The following ARIH1 variants were observed in gnomAD, a reference collection of about 807,000 sequenced individuals.
The protein encoded by ARIH1 is E3 ubiquitin-protein ligase ARIH1.
Under a neutral mutation model 85.0 loss-of-function variants are expected in ARIH1, and 8 were observed. The ratio of observed to expected loss-of-function variants is 0.09; its 90% confidence interval spans 0.06 to 0.17. ARIH1 has a LOEUF of 0.17. Among genes scored for constraint, ARIH1 ranks in the 10% least tolerant of loss-of-function variants. The probability of loss-of-function intolerance (pLI) is 1.00; values close to 1 mark genes in which losing one functional copy is unlikely to be tolerated. For missense variants in ARIH1, 311 were observed against 718.1 expected (o/e 0.43, Z 6.48); for synonymous variants, 238 against 253.6 (o/e 0.94, Z 0.59).
In ARIH1 at chr15:72,507,009, TATGTATGTATG is replaced by T. The variant is rs1272330720; in HGVS notation, c.376-11057_376-11047del. Among the ~76,000 whole-genome samples the T allele has an allele frequency of 1.6e-3, 249 of 151,426 alleles. 1 individual carries two copies. Among genetic ancestry groups the T allele is most frequent in the Admixed American group, 2.1e-3 (32 of 15,140 alleles). ...GTATGTATGTATGTATGTATGTATG[TATGTATGTATG>T]TATTTATTTATTTATTTTTTGAAAC... On this transcript the variant is annotated intron_variant, in intron 1 of 13. Coordinates refer to ENST00000379887, the MANE Select transcript of ARIH1 (RefSeq NM_005744.5).
chr15:72,554,667 A>T (rs2064167393), intron 3 of ARIH1, among the ~76,000 whole-genome samples: 3 of 152,174 alleles, frequency 2.0e-5, no homozygotes, highest in African/African-American at 7.2e-5. Context: ...GATTACAGAT[A>T]TGAGCCAGTG....
Position 72,583,395 on chromosome 15 carries a change from A to T in ARIH1, c.*103A>T. 1.2e-6 allele frequency: 1 copy of T among 833,226 alleles called. No homozygotes were observed. Among genetic ancestry groups the T allele is most frequent in the Non-Finnish European group, 2.0e-6 (1 of 510,508 alleles). 51.6% of individuals were successfully genotyped at this position (833,226 alleles called of 1,614,324 possible). ...ACAAGGAGGCACTAAGCCTATTCTGACACCACTGGTCTGTAGTACCAGAAT... is the reference window on the plus strand; with the variant it reads ...ACAAGGAGGCACTAAGCCTATTCTGTCACCACTGGTCTGTAGTACCAGAAT... On this transcript the variant is annotated 3_prime_UTR_variant, in exon 14 of 14. Transcript: ENST00000379887.
chr15:72,508,572 A>G (rs1406399437), intron 1 of ARIH1, among the ~76,000 whole-genome samples: 2 of 152,240 alleles, frequency 1.3e-5, no homozygotes, highest in Non-Finnish European at 2.9e-5. Context: ...TGCATAAAAT[A>G]TTGATGTGAG....
At chr15:72,526,210 T>G (rs2064027435) in intron 2 of ARIH1, among the ~76,000 whole-genome samples, 1 of 152,230 alleles carries the variant, frequency 6.6e-6, no homozygotes, top group Admixed American at 6.5e-5. Flanking sequence ...AACTTTCTTT[T>G]CCTTTGTCAT....
intron 6 of ARIH1, among the ~76,000 whole-genome samples, chr15:72,561,868 G>A (rs2064198906): frequency 1.3e-5 from 2 of 152,204 alleles, no homozygotes; most frequent in Admixed American, 6.5e-5. Context: ...AGCTACTCGG[G>A]AGGCTGAGGC....
intron 1 of ARIH1, among the ~76,000 whole-genome samples, chr15:72,489,445 G>T (rs534360873): frequency 6.6e-6 from 1 of 152,108 alleles, no homozygotes; most frequent in Non-Finnish European, 1.5e-5. Flanking sequence ...GGTATCAGTG[G>T]CACCAAAGTA....
rs774880844 is a variant in ARIH1 at position 72,594,159 on chromosome 15, CTTTTTCTT to C, written c.*10881_*10888del. 30 of 149,788 alleles carry C rather than the reference CTTTTTCTT, an allele frequency of 2.0e-4. No individual in the cohort carries two copies. Among genetic ancestry groups the C allele is most frequent in the Non-Finnish European group, 2.1e-4 (14 of 67,482 alleles). 9.3% of individuals were successfully genotyped at this position (149,788 alleles called of 1,614,324 possible). A position where few individuals can be genotyped will look rare whatever the true frequency, so the allele number is the denominator to read the frequency against. On this transcript the variant is annotated 3_prime_UTR_variant, in exon 14 of 14. Coordinates refer to ENST00000379887, the MANE Select transcript of ARIH1 (RefSeq NM_005744.5). Reference sequence around the variant, plus strand: ...TTTAAAATATTTTTGATTTTCTTTTCTTTTTCTTTTTTTCTTTTTTTTTTTTTGAGACG... The same window carrying C: ...TTTAAAATATTTTTGATTTTCTTTTCTTTTTCTTTTTTTTTTTTTGAGACG...
Position 72,584,689 on chromosome 15 carries a change from T to G in ARIH1, c.*1397T>G, listed in dbSNP as rs930167800. 1.3e-5 allele frequency: 2 copies of G among 152,096 alleles called. No individual in the cohort carries two copies. Among genetic ancestry groups the G allele is most frequent in the Non-Finnish European group, 2.9e-5 (2 of 68,022 alleles). 9.4% of individuals were successfully genotyped at this position (152,096 alleles called of 1,614,324 possible). A position where few individuals can be genotyped will look rare whatever the true frequency, so the allele number is the denominator to read the frequency against. ...AAATAGAAATCACTGAGTTTGCTGCTTTTTTATTGTCAGCAGATAGGAGAA... is the reference window on the plus strand; with the variant it reads ...AAATAGAAATCACTGAGTTTGCTGCGTTTTTATTGTCAGCAGATAGGAGAA... On this transcript the variant is annotated 3_prime_UTR_variant, in exon 14 of 14. Transcript: ENST00000379887.
chr15:72,545,399 C>T (rs762983012), intron 3 of ARIH1, among the ~76,000 whole-genome samples: 4 of 152,226 alleles, frequency 2.6e-5, no homozygotes, highest in Admixed American at 6.5e-5. Context: ...AAGATTTTCA[C>T]TTAATCAAAT....
intron 1 of ARIH1, among the ~76,000 whole-genome samples, chr15:72,507,987 G>A (rs904676465): frequency 3.3e-5 from 5 of 152,166 alleles, no homozygotes; most frequent in African/African-American, 1.2e-4. Context: ...TCCCAGTTCT[G>A]TCTGCATGTT....
chr15:72,520,823 A>T (rs1255656352), intron 2 of ARIH1, among the ~76,000 whole-genome samples: 1 of 151,944 alleles, frequency 6.6e-6, no homozygotes, highest in Non-Finnish European at 1.5e-5. Flanking sequence ...TATCAGCTTG[A>T]TAAGTTGATG....
chr15:72,474,443 T>C lies in ARIH1; in HGVS notation c.-197T>C. The C allele has an allele frequency of 1.5e-6, 1 of 667,896 alleles. No individual in the cohort carries two copies. The highest frequency in any genetic ancestry group is 2.4e-6 in the Non-Finnish European group (1 of 415,396). The allele number at this position is 667,896 out of a possible 1,614,324, so 41.4% of individuals were successfully genotyped here. The stretch of plus-strand genomic sequence containing the variant: ...GCAAGCGGCCCCCTCGCTCCCTCCC[T>C]CCCTCCTCCGCGCCCTCCCCGCCGC... On this transcript the variant is annotated 5_prime_UTR_variant, in exon 1 of 14. Coordinates refer to ENST00000379887, the MANE Select transcript of ARIH1 (RefSeq NM_005744.5).
Position 72,474,897 on chromosome 15 carries a change from T to C in ARIH1, c.258T>C (p.Gly86=), listed in dbSNP as rs1428150266. The change falls in exon 1 of 14, where the codon GGT becomes GGC. Residue 86 remains glycine (G), a synonymous_variant. Transcript: ENST00000379887. ...PGGGGGGGGG[G]GGGGPGHEQE... Reference sequence around the variant, plus strand: ...GTGGCGGCGGCGGCGGCGGCGGCGGTGGTGGTGGCGGGCCGGGGCATGAGC... The same window carrying C: ...GTGGCGGCGGCGGCGGCGGCGGCGGCGGTGGTGGCGGGCCGGGGCATGAGC... 1.1e-5 allele frequency: 15 copies of C among 1,393,878 alleles called. No homozygotes were observed. The highest frequency in any genetic ancestry group is 3.8e-4 in the Middle Eastern group (2 of 5,240). 86.3% of individuals were successfully genotyped at this position (1,393,878 alleles called of 1,614,324 possible).
chr15:72,555,640 G>T (rs1206714566), intron 4 of ARIH1, among the ~76,000 whole-genome samples: 1 of 152,098 alleles, frequency 6.6e-6, no homozygotes, highest in Non-Finnish European at 1.5e-5. Context: ...CTTTAAAATT[G>T]TGTGTTTAAA....
At chr15:72,566,530 T>G (rs2064221826) in intron 7 of ARIH1, 33 bp from the exon 8 acceptor site, 2 of 1,591,616 alleles carry the variant, frequency 1.3e-6, no homozygotes, top group African/African-American at 2.7e-5. Context: ...TAGGTAGGCC[T>G]TAATTCTATT....
At chr15:72,576,010 C>T (rs1169539149) in intron 11 of ARIH1, among the ~76,000 whole-genome samples, 3 of 152,034 alleles carry the variant, frequency 2.0e-5, no homozygotes, top group Non-Finnish European at 2.9e-5. Context: ...TGCACCACCG[C>T]GCCCAACTTG....
At chr15:72,549,946 C>A (rs2064146395) in intron 3 of ARIH1, among the ~76,000 whole-genome samples, 1 of 152,116 alleles carries the variant, frequency 6.6e-6, no homozygotes, top group African/African-American at 2.4e-5. Flanking sequence ...GTAGGTGAAC[C>A]TAGCTCAAGG....
chr15:72,529,842 G>A (rs1288874491), intron 2 of ARIH1, among the ~76,000 whole-genome samples: 1 of 152,090 alleles, frequency 6.6e-6, no homozygotes, highest in East Asian at 1.9e-4. Context: ...AGAATAGAGG[G>A]GAAATGGTTG....
intron 2 of ARIH1, 55 bp from the exon 3 acceptor site, chr15:72,544,765 G>C: frequency 6.6e-7 from 1 of 1,524,638 alleles, no homozygotes; most frequent in Non-Finnish European, 8.9e-7. Context: ...TTTTTGGAGA[G>C]CTCTAACAGT....
Sources: allele counts gnomAD v4.1 joint callset (sites outside exome capture counted in the v4.1 genomes callset), GRCh38; gene constraint gnomAD v4.1.1; transcripts MANE v1.5; gene names NCBI Gene and HGNC (gene_info 2026-07-23, HGNC 2026-07-21).